PRKCD: variants seen among roughly 807,000 people sequenced by gnomAD.
The protein encoded by PRKCD is protein kinase C delta, also known as protein kinase C delta type.
PRKCD carries 20 observed loss-of-function variants against 82.2 expected under a neutral mutation model. The ratio of observed to expected loss-of-function variants is 0.24; its 90% CI spans 0.17 to 0.35. PRKCD has a LOEUF of 0.35. Ranked by LOEUF, PRKCD falls within the 10% of genes least tolerant of loss-of-function variation. The pLI is 1.00. For missense variants in PRKCD, 607 were observed against 899.0 expected (o/e 0.68, Z 4.15); for synonymous variants, 317 against 337.0 (o/e 0.94, Z 0.65).
chr3:53,183,544 G>A lies in PRKCD; in HGVS notation c.750G>A (p.Leu250=), dbSNP rs2107269090. 3 of 1,614,246 alleles carry A rather than the reference G, an allele frequency of 1.9e-6. No homozygotes were observed. Among genetic ancestry groups the A allele is most frequent in the Non-Finnish European group, 2.5e-6 (3 of 1,180,032 alleles). ...CCTTCTGTGACCACTGCGGCAGCCT[G>A]CTCTGGGGACTGGTGAAGCAGGGAT... ...SPTFCDHCGS[L]LWGLVKQGLK... Residue 250 remains leucine (L), a synonymous_variant, in exon 9 of 19, where the codon CTG becomes CTA. Coordinates refer to ENST00000330452, the MANE Select transcript of PRKCD (RefSeq NM_006254.4).
At chr3:53,190,792 A>G (rs1290778711) in intron 18 of PRKCD, among the ~76,000 whole-genome samples, 2 of 152,104 alleles carry the variant, frequency 1.3e-5, no homozygotes, top group Non-Finnish European at 2.9e-5. Context: ...TGCGCCCCAC[A>G]TTTGTGCTTT....
In PRKCD at chr3:53,169,235, G is replaced by T. The variant is rs1292422182; in HGVS notation, c.-20+4020G>T. Among the ~76,000 whole-genome samples, 2 of 152,170 alleles carry T rather than the reference G, an allele frequency of 1.3e-5. No homozygotes were observed. The highest frequency in any genetic ancestry group is 4.8e-5 in the African/African-American group (2 of 41,420). On this transcript the variant is annotated intron_variant, in intron 2 of 18. Transcript: ENST00000330452. The surrounding 1 kb of genome is among the most constrained non-coding windows in gnomAD (Gnocchi z 4.7). The stretch of plus-strand genomic sequence containing the variant: ...GTGGGCAGGCTTGAGCTCTTCTGGA[G>T]TCATTCATGTGGTGAAGCCAGGGAG...
chr3:53,161,875 C>G (rs782071649), intron 1 of PRKCD, among the ~76,000 whole-genome samples: 3,589 of 133,800 alleles, frequency 0.027, 68 homozygotes, highest in Non-Finnish European at 0.042. Context: ...CACCCCTACC[C>G]CCGCCCGCCG....
At chr3:53,191,858 G>A (rs1703935901) in intron 18 of PRKCD, among the ~76,000 whole-genome samples, 1 of 152,188 alleles carries the variant, frequency 6.6e-6, no homozygotes. Flanking sequence ...GTGATTCGGT[G>A]GTCTCTGAGC....
At chr3:53,188,691 G>C (rs782383381) in intron 15 of PRKCD, 29 bp from the exon 16 acceptor site, 3 of 1,612,874 alleles carry the variant, frequency 1.9e-6, no homozygotes, top group Non-Finnish European at 2.5e-6. Flanking sequence ...AATGTCCCCT[G>C]CTGACTCTTA....
chr3:53,188,558 T>A (rs1703799488), intron 15 of PRKCD, among the ~76,000 whole-genome samples, 162 bp from the exon 16 acceptor site: 1 of 152,150 alleles, frequency 6.6e-6, no homozygotes, highest in Non-Finnish European at 1.5e-5. Flanking sequence ...AAGCACCTGT[T>A]TTTAGGATCT....
intron 2 of PRKCD, among the ~76,000 whole-genome samples, chr3:53,174,014 A>C (rs1703133637): frequency 6.6e-6 from 1 of 152,218 alleles, no homozygotes; most frequent in Admixed American, 6.5e-5. Flanking sequence ...CTGGGCTGCA[A>C]CATCGGGCAG....
At chr3:53,186,776 A>G in intron 14 of PRKCD, 81 bp downstream of exon 14, 2 of 1,371,622 alleles carry the variant, frequency 1.5e-6, no homozygotes, top group Non-Finnish European at 2.0e-6. Flanking sequence ...TCTGCCCTCC[A>G]TGCCTTCTTC....
intron 2 of PRKCD, among the ~76,000 whole-genome samples, chr3:53,175,797 C>A (rs1703194366): frequency 6.6e-6 from 1 of 152,230 alleles, no homozygotes; most frequent in African/African-American, 2.4e-5. Flanking sequence ...CACAGACCTG[C>A]CAATCATTCC....
At chr3:53,179,466 G>C (rs781926529) in intron 3 of PRKCD, 111 bp from the exon 4 acceptor site, 112 of 1,392,450 alleles carry the variant, frequency 8.0e-5, no homozygotes, top group Middle Eastern at 5.3e-4. Flanking sequence ...ACCACAGCAG[G>C]CCCTCAAGGC....
rs1703805794 is a variant in PRKCD at position 53,188,717 on chromosome 3, T to C, written c.1416-3T>C. On this transcript the variant is annotated splice_polypyrimidine_tract_variant and splice_region_variant and intron_variant, in intron 15 of 18. Transcript: ENST00000330452. ...CTGACTCTTACCTGTCCCCTGTCCT[T>C]AGGGACCTCAAACTGGACAATGTGC... 6.2e-7 allele frequency: 1 copy of C among 1,614,022 alleles called. No homozygotes were observed. Among genetic ancestry groups the C allele is most frequent in the African/African-American group, 1.3e-5 (1 of 74,920 alleles).
At chr3:53,191,991 T>G in intron 18 of PRKCD, 117 bp from the exon 19 acceptor site, 3 of 1,065,586 alleles carry the variant, frequency 2.8e-6, no homozygotes, top group Middle Eastern at 2.9e-4. Flanking sequence ...AGGCTCTGTC[T>G]TCTGTTCTGG....
rs782024628 is a variant in PRKCD at position 53,167,496 on chromosome 3, C to A, written c.-20+2281C>A. On this transcript the variant is annotated intron_variant, in intron 2 of 18. Coordinates refer to ENST00000330452, the MANE Select transcript of PRKCD (RefSeq NM_006254.4). ...ATCTTAGTGACTAGGCAGCTCCCAG[C>A]AGCTCTATGAATGAACCTGGGCAAG... Among the ~76,000 whole-genome samples the A allele has an allele frequency of 3.9e-5, 6 of 152,236 alleles. No individual in the cohort carries two copies. The East Asian group carries it at 7.7e-4, about 20-fold the overall frequency.
chr3:53,181,540 A>G lies in PRKCD; in HGVS notation c.473A>G (p.Asn158Ser), dbSNP rs914087563. The G allele has an allele frequency of 2.5e-6, 4 of 1,614,104 alleles. No individual in the cohort carries two copies. The African/African-American group carries it at 5.3e-5, about 22-fold the overall frequency. Residue 158 changes from asparagine to serine, a missense_variant, in exon 6 of 19, where the codon AAC becomes AGC. Asn to Ser is a conservative substitution (Grantham distance 46). Transcript: ENST00000330452. ...IKQAKIHYIKNHEFIATFFGQ... is the reference protein window; with the variant it reads ...IKQAKIHYIKSHEFIATFFGQ... ...CAGGCCAAAATCCACTACATCAAGA[A>G]CCATGAGTTTATCGCCACCTTCTTT...
intron 2 of PRKCD, among the ~76,000 whole-genome samples, chr3:53,167,899 C>G (rs529150381): frequency 1.3e-5 from 2 of 152,210 alleles, no homozygotes; most frequent in African/African-American, 2.4e-5. Flanking sequence ...CCATGCCCTC[C>G]GAGGAGAGGA....
At position 53,172,169 on chromosome 3, in the gene PRKCD, G is replaced by A. The variant is rs1553665046; in HGVS notation, c.-19-6235G>A. Among the ~76,000 whole-genome samples, 6 of 152,064 alleles carry A rather than the reference G, an allele frequency of 3.9e-5. No individual in the cohort carries two copies. The South Asian group carries it at 1.0e-3, about 26-fold the overall frequency. On this transcript the variant is annotated intron_variant, in intron 2 of 18. Coordinates refer to ENST00000330452, the MANE Select transcript of PRKCD (RefSeq NM_006254.4). Reference sequence around the variant, plus strand: ...TGGGCATGTGGAGGCTGGGGGATGGGCCCTGGTGGAGGAACCCTAAAGGGT... The same window carrying A: ...TGGGCATGTGGAGGCTGGGGGATGGACCCTGGTGGAGGAACCCTAAAGGGT...
Position 53,177,157 on chromosome 3 carries a change from G to C in PRKCD, c.-19-1247G>C, listed in dbSNP as rs145964283. Among the ~76,000 whole-genome samples the C allele has an allele frequency of 5.0e-3, 763 of 151,530 alleles. 7 individuals carry two copies. The highest frequency in any genetic ancestry group is 0.017 in the African/African-American group (703 of 41,310). On this transcript the variant is annotated intron_variant, in intron 2 of 18. Transcript: ENST00000330452. ...TTTGGGTTCTTTTTTTAAGAGATAG[G>C]GTCTCACTCTGCCACCCATGCTGGA... is the stretch of plus-strand genomic sequence containing the variant.
intron 11 of PRKCD, 59 bp from the exon 12 acceptor site, chr3:53,185,868 G>A (rs1553668910): frequency 1.9e-6 from 3 of 1,588,694 alleles, no homozygotes; most frequent in Admixed American, 1.7e-5. Context: ...CCAGGCCCCG[G>A]GGGAGGGGAG....
At chr3:53,192,072 A>G (rs1553671024) in intron 18 of PRKCD, 36 bp from the exon 19 acceptor site, 1 of 1,610,742 alleles carries the variant, frequency 6.2e-7, no homozygotes, top group East Asian at 2.2e-5. Context: ...GCCATTCCCT[A>G]GGTCCTGTTC....
Sources: allele counts gnomAD v4.1 joint callset (sites outside exome capture counted in the v4.1 genomes callset), GRCh38; gene constraint gnomAD v4.1.1; non-coding constraint Gnocchi (gnomAD v3.1); transcripts MANE v1.5; gene names NCBI Gene and HGNC (gene_info 2026-07-23, HGNC 2026-07-21).